The following HPSE2 variants were observed in gnomAD, a reference collection of about 807,000 sequenced individuals.
The protein encoded by HPSE2 is inactive heparanase-2.
In HPSE2, 38 loss-of-function variants were observed where a neutral mutation model predicts 60.5. That is an observed-to-expected ratio of 0.63 (90% confidence interval 0.48 to 0.82). The LOEUF (loss-of-function observed/expected upper bound fraction) is 0.82, where lower values mean the gene tolerates loss of function less well. HPSE2 is among the 40% of genes least tolerant of loss of function. The pLI, the probability that HPSE2 is intolerant of heterozygous loss-of-function variation, is 0.00. For missense variants in HPSE2, 713 were observed against 740.4 expected (o/e 0.96, Z 0.43); for synonymous variants, 295 against 293.2 (o/e 1.01, Z -0.06).
At chr10:98,704,943 A>G (rs993008699) in intron 5 of HPSE2, among the ~76,000 whole-genome samples, 9 of 152,196 alleles carry the variant, frequency 5.9e-5, no homozygotes, top group Admixed American at 5.9e-4. Context: ...TCTGCCCAGC[A>G]AAAGAAACTA....
chr10:99,311,929 T>C, the HPSE2 span, among the ~76,000 whole-genome samples: 1 of 152,228 alleles, frequency 6.6e-6, no homozygotes, highest in Admixed American at 6.5e-5. Flanking sequence ...ATAGCCTTAT[T>C]GCTGATATGG....
intron 3 of HPSE2, among the ~76,000 whole-genome samples, chr10:98,824,923 A>G (rs1243189816): frequency 6.6e-6 from 1 of 152,144 alleles, no homozygotes; most frequent in Non-Finnish European, 1.5e-5. Context: ...ATAACGGTAA[A>G]CATGTCCTTC....
chr10:99,202,555 A>G (rs1219247451), intron 2 of HPSE2, among the ~76,000 whole-genome samples: 1 of 152,190 alleles, frequency 6.6e-6, no homozygotes, highest in Non-Finnish European at 1.5e-5. Context: ...GCAGTATTTT[A>G]TCACATGTAC....
chr10:99,213,564 T>C (rs1330238018), intron 2 of HPSE2, among the ~76,000 whole-genome samples: 1 of 152,138 alleles, frequency 6.6e-6, no homozygotes, highest in African/African-American at 2.4e-5. Context: ...ACAATGTCAC[T>C]GTCAATTGCC....
chr10:98,882,425 C>T (rs770497111), intron 3 of HPSE2, among the ~76,000 whole-genome samples: 24 of 151,830 alleles, frequency 1.6e-4, no homozygotes, highest in Non-Finnish European at 2.9e-4. Flanking sequence ...GAGTCAGTTG[C>T]GGCTCTGCTG....
intron 2 of HPSE2, among the ~76,000 whole-genome samples, chr10:99,178,374 CAGACTAATAA>C (rs922313096): frequency 1.1e-4 from 16 of 151,654 alleles, no homozygotes; most frequent in African/African-American, 3.9e-4. Flanking sequence ...GGCCACTAGC[CAGACTAATAA>C]AGAAGAAAAG....
At position 98,773,358 on chromosome 10, in the gene HPSE2, G is replaced by A. The variant is rs536573025; in HGVS notation, c.611-29302C>T. On this transcript the variant is annotated intron_variant, in intron 3 of 11. Coordinates refer to ENST00000370552, the MANE Select transcript of HPSE2 (RefSeq NM_021828.5). ...TCTTTCTCTAAGCCAGTCCAGAAGG[G>A]TGGATAGGACTTACTATTGCATAGT... Among the ~76,000 whole-genome samples the A allele has an allele frequency of 7.9e-4, 120 of 152,232 alleles. 1 individual carries two copies. Among genetic ancestry groups the A allele is most frequent in the African/African-American group, 2.7e-3 (114 of 41,548 alleles).
At chr10:98,978,987 G>A (rs745778673) in intron 3 of HPSE2, among the ~76,000 whole-genome samples, 21 of 152,148 alleles carry the variant, frequency 1.4e-4, no homozygotes, top group Non-Finnish European at 2.9e-4. Flanking sequence ...CTTGAACTGC[G>A]AACACGTGTT....
At chr10:99,145,786 ATGGTGAAAAGGGTGAAACAC>A (rs1473230550) in intron 2 of HPSE2, among the ~76,000 whole-genome samples, 1 of 152,252 alleles carries the variant, frequency 6.6e-6, no homozygotes, top group Non-Finnish European at 1.5e-5. Context: ...AATAGGGCAT[ATGGTGAAAAGGGTGAAACAC>A]TGTTCTGGAG....
chr10:98,575,124 C>T (rs556411248), intron 9 of HPSE2, among the ~76,000 whole-genome samples: 39 of 151,038 alleles, frequency 2.6e-4, no homozygotes, highest in Middle Eastern at 3.4e-3. Flanking sequence ...AAGGAAAAGG[C>T]GTCATATAGG....
At chr10:98,675,278 C>T (rs12220953) in intron 6 of HPSE2, among the ~76,000 whole-genome samples, 1 of 152,128 alleles carries the variant, frequency 6.6e-6, no homozygotes, top group Non-Finnish European at 1.5e-5. Context: ...AAAGATCACT[C>T]TATTTTACAA....
chr10:98,544,465 C>T (rs896247282), intron 9 of HPSE2, among the ~76,000 whole-genome samples: 1 of 151,928 alleles, frequency 6.6e-6, no homozygotes, highest in Non-Finnish European at 1.5e-5. Flanking sequence ...AATCCCAGCA[C>T]TTTGGGAGGC....
At chr10:98,537,371 G>A (rs763880630) in intron 9 of HPSE2, among the ~76,000 whole-genome samples, 16 of 152,060 alleles carry the variant, frequency 1.1e-4, no homozygotes, top group Non-Finnish European at 2.2e-4. Flanking sequence ...TAGGTGCTGA[G>A]GCAAGAGACT....
chr10:98,607,566 T>C (rs1227674705), intron 9 of HPSE2, among the ~76,000 whole-genome samples: 2 of 152,246 alleles, frequency 1.3e-5, no homozygotes, highest in Non-Finnish European at 2.9e-5. Flanking sequence ...TGCCAGCATC[T>C]TCTCCGGAGG....
At chr10:98,868,565 T>A (rs1207731627) in intron 3 of HPSE2, among the ~76,000 whole-genome samples, 4 of 152,170 alleles carry the variant, frequency 2.6e-5, no homozygotes, top group African/African-American at 9.7e-5. Context: ...TTTTCCAAGA[T>A]GTGATTATTA....
chr10:98,474,348 G>A (rs1940909623), intron 11 of HPSE2, among the ~76,000 whole-genome samples: 1 of 152,062 alleles, frequency 6.6e-6, no homozygotes, highest in Admixed American at 6.5e-5. Context: ...TCAGGTGGGT[G>A]GCCAGTTCAC....
At chr10:99,204,344 A>G (rs1848673892) in intron 2 of HPSE2, among the ~76,000 whole-genome samples, 1 of 152,240 alleles carries the variant, frequency 6.6e-6, no homozygotes, top group African/African-American at 2.4e-5. Flanking sequence ...CTCCAGCAGC[A>G]GTCCATCCCA....
chr10:98,802,566 C>T (rs1477666937), intron 3 of HPSE2, among the ~76,000 whole-genome samples: 13 of 145,354 alleles, frequency 8.9e-5, no homozygotes, highest in African/African-American at 2.8e-4. Flanking sequence ...TGAGAATATG[C>T]GGTGTTTGGT....
intron 3 of HPSE2, among the ~76,000 whole-genome samples, chr10:98,807,030 C>G (rs1407068421): frequency 6.6e-6 from 1 of 152,114 alleles, no homozygotes; most frequent in African/African-American, 2.4e-5. Flanking sequence ...GTAATCCCAG[C>G]TATTTGGGAG....
Sources: gnomAD v4.1 joint callset for allele counts (sites outside exome capture counted in the v4.1 genomes callset) on GRCh38, gnomAD v4.1.1 for gene constraint, MANE v1.5 for transcripts, NCBI Gene and HGNC (gene_info 2026-07-23, HGNC 2026-07-21) for gene names.